DACH2: variants seen among roughly 807,000 people sequenced by gnomAD.
The protein encoded by DACH2 is dachshund family transcription factor 2, also known as dachshund homolog 2.
DACH2 carries 17 observed loss-of-function variants against 35.8 expected under a neutral mutation model. The observed-to-expected ratio is 0.48, with a 90% CI of 0.33 to 0.71. DACH2 has a LOEUF of 0.71. DACH2 is among the 30% of genes least tolerant of loss of function. The pLI is 0.02. For synonymous variants in DACH2, 195 were observed against 177.3 expected (o/e 1.10, Z -0.79); for missense variants, 469 against 472.7 (o/e 0.99, Z 0.07).
Position 86,434,259 on chromosome X carries a change from A to G in DACH2, c.527+57397A>G, listed in dbSNP as rs185165094. On this transcript the variant is annotated intron_variant, in intron 2 of 11. Transcript: ENST00000373125. ...TATGGAGTACATGAGATATTTTGAT[A>G]TGGGCATGTAGTGCATAATAATCAC... Among the ~76,000 whole-genome samples the G allele has an allele frequency of 1.4e-4, 16 of 111,894 alleles. No homozygotes were observed. In the Admixed American group the frequency reaches 1.5e-3, roughly 11 times the overall value.
At chrX:86,765,698 GTTTTTTTTTTTT>G (rs60709865) in intron 7 of DACH2, among the ~76,000 whole-genome samples, 4 of 24,637 alleles carry the variant, frequency 1.6e-4, no homozygotes, top group African/African-American at 6.9e-4. Flanking sequence ...TTGTTTTTTG[GTTTTTTTTTTTT>G]TTTTTTTTTT....
At chrX:86,734,464 A>G (rs888756725) in intron 6 of DACH2, among the ~76,000 whole-genome samples, 1 of 111,333 alleles carries the variant, frequency 9.0e-6, no homozygotes, top group Non-Finnish European at 1.9e-5. Context: ...TGTTTCATAG[A>G]CTAATGAAAC....
At chrX:86,304,686 C>G (rs2034643091) in intron 1 of DACH2, 1 of 168,163 alleles carries the variant, frequency 5.9e-6, no homozygotes, top group Non-Finnish European at 1.3e-5. Flanking sequence ...ATCCAGGCAT[C>G]CACAAGAGAA....
chrX:86,303,719 G>A (rs2034620554), intron 1 of DACH2, among the ~76,000 whole-genome samples: 1 of 79,447 alleles, frequency 1.3e-5, no homozygotes, highest in Admixed American at 1.9e-4. Context: ...GTATAATTAT[G>A]TGAACATACT....
chrX:86,724,610 G>C (rs2041444496), intron 6 of DACH2, among the ~76,000 whole-genome samples: 1 of 111,400 alleles, frequency 9.0e-6, no homozygotes, highest in Non-Finnish European at 1.9e-5. Context: ...TTCTCTTTCT[G>C]ATTTTAAAAT....
intron 1 of DACH2, among the ~76,000 whole-genome samples, chrX:86,323,408 TC>T (rs1160101454): frequency 1.8e-5 from 2 of 111,333 alleles, no homozygotes; most frequent in African/African-American, 6.5e-5. Context: ...GAACATGAAA[TC>T]CCCCTGTCTG....
At chrX:86,565,961 C>A (rs1392697526) in intron 3 of DACH2, among the ~76,000 whole-genome samples, 1 of 111,668 alleles carries the variant, frequency 9.0e-6, no homozygotes, top group African/African-American at 3.2e-5. Flanking sequence ...CTATGTTAGG[C>A]AGCCAATATG....
chrX:86,295,689 G>A (rs1480509648), intron 1 of DACH2, among the ~76,000 whole-genome samples: 2 of 110,986 alleles, frequency 1.8e-5, no homozygotes, highest in Non-Finnish European at 3.8e-5. Context: ...TTTGCTTTTT[G>A]TTGTAAGAGG....
At chrX:86,727,544 AG>A (rs755936416) in intron 6 of DACH2, among the ~76,000 whole-genome samples, 1 of 111,260 alleles carries the variant, frequency 9.0e-6, no homozygotes, top group Admixed American at 9.5e-5. Flanking sequence ...TGTTGGAGCC[AG>A]GGCCTGGTGG....
intron 2 of DACH2, among the ~76,000 whole-genome samples, chrX:86,467,815 G>A (rs1446430651): frequency 8.9e-6 from 1 of 111,827 alleles, no homozygotes; most frequent in African/African-American, 3.3e-5. Flanking sequence ...TCTTCCCATG[G>A]TGGCAGCAAG....
chrX:86,245,927 T>A, intron 1 of DACH2, among the ~76,000 whole-genome samples: 1 of 111,585 alleles, frequency 9.0e-6, no homozygotes, highest in Admixed American at 9.6e-5. Flanking sequence ...ATCTTAGGAA[T>A]CTAATAAAAT....
intron 1 of DACH2, among the ~76,000 whole-genome samples, chrX:86,335,856 G>T (rs2148054429): frequency 8.9e-6 from 1 of 111,800 alleles, no homozygotes; most frequent in East Asian, 2.8e-4. Context: ...TCCAGCTTTT[G>T]CCTATTCAGT....
At chrX:86,533,526 A>G (rs1022358738) in intron 3 of DACH2, among the ~76,000 whole-genome samples, 19 of 111,637 alleles carry the variant, frequency 1.7e-4, no homozygotes, top group Admixed American at 4.8e-4. Flanking sequence ...GGCTTTTTGC[A>G]TGCTCTTCAC....
At chrX:86,436,602 T>G (rs747103007) in intron 2 of DACH2, among the ~76,000 whole-genome samples, 1 of 111,240 alleles carries the variant, frequency 9.0e-6, no homozygotes, top group African/African-American at 3.3e-5. Context: ...GGACTGTGGT[T>G]TTTTTCTTGC....
At position 86,356,868 on chromosome X, in the gene DACH2, G is replaced by A. The variant is rs146399400; in HGVS notation, c.489-19956G>A. 3.1e-3 allele frequency among the ~76,000 whole-genome samples: 350 copies of A among 111,236 alleles called. 1 individual carries two copies. The highest frequency in any genetic ancestry group is 0.011 in the African/African-American group (343 of 30,620). On this transcript the variant is annotated intron_variant, in intron 1 of 11. Coordinates refer to ENST00000373125, the MANE Select transcript of DACH2 (RefSeq NM_053281.3). ...AGGTTTTTGGTTGCTTGGATGCAAT[G>A]TATAGTGGTGAAGTCTGAGATTTTA...
chrX:86,807,534 C>A (rs2042356561), intron 7 of DACH2, among the ~76,000 whole-genome samples: 1 of 111,669 alleles, frequency 9.0e-6, no homozygotes, highest in Non-Finnish European at 1.9e-5. Context: ...TGCTTCCTAT[C>A]TTGACATATA....
intron 1 of DACH2, among the ~76,000 whole-genome samples, chrX:86,214,771 A>G (rs1375274555): frequency 8.9e-6 from 1 of 111,751 alleles, no homozygotes; most frequent in East Asian, 2.8e-4. Flanking sequence ...ACAATGAAAA[A>G]CCTGGTGGTG....
intron 2 of DACH2, among the ~76,000 whole-genome samples, chrX:86,417,337 T>C (rs2036723490): frequency 9.0e-6 from 1 of 111,233 alleles, no homozygotes; most frequent in African/African-American, 3.3e-5. Flanking sequence ...TGTTTTAAAG[T>C]ATATTAGTCA....
chrX:86,380,788 C>A (rs1337532573), intron 2 of DACH2, among the ~76,000 whole-genome samples: 1 of 109,426 alleles, frequency 9.1e-6, no homozygotes, highest in Non-Finnish European at 1.9e-5. Context: ...TATTTATACA[C>A]AAACAACATG....
Sources: gnomAD v4.1 joint callset for allele counts (sites outside exome capture counted in the v4.1 genomes callset) on GRCh38, gnomAD v4.1.1 for gene constraint, MANE v1.5 for transcripts, NCBI Gene and HGNC (gene_info 2026-07-23, HGNC 2026-07-21) for gene names.